The following AFG2A variants were observed in gnomAD, a reference collection of about 807,000 sequenced individuals.
AFG2A encodes ATPase family gene 2 protein homolog A.
the AFG2A span, among the ~76,000 whole-genome samples, chr4:123,069,591 G>A: frequency 6.6e-6 from 1 of 152,114 alleles, no homozygotes; most frequent in East Asian, 1.9e-4. Flanking sequence ...CCTATTTCCT[G>A]AGCCAAGCAT....
the AFG2A span, among the ~76,000 whole-genome samples, chr4:123,236,627 T>C: frequency 6.6e-6 from 1 of 152,206 alleles, no homozygotes; most frequent in Non-Finnish European, 1.5e-5. Context: ...ATGAGAAAGC[T>C]AAGGCTTAAG....
At chr4:123,154,417 A>G in the AFG2A span, among the ~76,000 whole-genome samples, 2 of 152,190 alleles carry the variant, frequency 1.3e-5, no homozygotes, top group African/African-American at 2.4e-5. Flanking sequence ...AGACAGGTCA[A>G]CAGTTTAAAG....
the AFG2A span, among the ~76,000 whole-genome samples, chr4:123,242,641 A>G: frequency 2.0e-5 from 3 of 152,358 alleles, no homozygotes; most frequent in Middle Eastern, 6.8e-3. Context: ...AAAACCATAA[A>G]AACCCTAGAA....
At chr4:123,014,188 A>G in the AFG2A span, among the ~76,000 whole-genome samples, 4 of 152,146 alleles carry the variant, frequency 2.6e-5, no homozygotes, top group African/African-American at 4.8e-5. Context: ...CTGCTATGCC[A>G]TGGTAAGAAT....
At chr4:123,139,188 A>G in the AFG2A span, among the ~76,000 whole-genome samples, 1 of 152,244 alleles carries the variant, frequency 6.6e-6, no homozygotes, top group East Asian at 1.9e-4. Flanking sequence ...GAGTGAAAAT[A>G]CTTTAAAAGC....
At chr4:123,004,359 G>C in the AFG2A span, among the ~76,000 whole-genome samples, 1 of 152,206 alleles carries the variant, frequency 6.6e-6, no homozygotes, top group East Asian at 1.9e-4. Flanking sequence ...AGATGAACCC[G>C]GTACCTCAGA....
the AFG2A span, among the ~76,000 whole-genome samples, chr4:122,942,678 T>G: frequency 6.6e-6 from 1 of 152,168 alleles, no homozygotes; most frequent in Admixed American, 6.5e-5. Context: ...TTCTGCTAGC[T>G]TTTGAATGTG....
the AFG2A span, among the ~76,000 whole-genome samples, chr4:123,290,042 G>T: frequency 6.6e-6 from 1 of 151,896 alleles, no homozygotes; most frequent in South Asian, 2.1e-4. Flanking sequence ...TTTTTAATGG[G>T]GTTATTTTGT....
the AFG2A span, chr4:123,314,086 G>T: frequency 1.4e-6 from 2 of 1,477,388 alleles, no homozygotes; most frequent in Non-Finnish European, 9.0e-7. Flanking sequence ...TATTCAAGAT[G>T]CTGAAAATCC....
the AFG2A span, among the ~76,000 whole-genome samples, chr4:123,128,247 G>A: frequency 6.6e-6 from 1 of 152,178 alleles, no homozygotes; most frequent in South Asian, 2.1e-4. Context: ...AACTTTTCAT[G>A]CGTTTAAGTT....
the AFG2A span, among the ~76,000 whole-genome samples, chr4:123,297,898 G>A: frequency 6.6e-6 from 1 of 152,058 alleles, no homozygotes; most frequent in African/African-American, 2.4e-5. Context: ...AGGAAGCAGT[G>A]TATAAGCACC....
chr4:123,168,740 T>C, the AFG2A span, among the ~76,000 whole-genome samples: 1 of 152,250 alleles, frequency 6.6e-6, no homozygotes, highest in Non-Finnish European at 1.5e-5. Context: ...AGCCAAAGAT[T>C]ATTTTGTTGT....
chr4:122,956,179 A>G, the AFG2A span, among the ~76,000 whole-genome samples: 1 of 152,242 alleles, frequency 6.6e-6, no homozygotes, highest in South Asian at 2.1e-4. Flanking sequence ...CTACTCATAA[A>G]AATGTAAAAA....
chr4:123,133,483 C>CGT, the AFG2A span, among the ~76,000 whole-genome samples: 5 of 71,380 alleles, frequency 7.0e-5, no homozygotes, highest in South Asian at 5.6e-4. Context: ...CTATCATAGG[C>CGT]GTGTGCGTGT....
chr4:123,103,712 A>G, the AFG2A span, among the ~76,000 whole-genome samples: 3 of 152,164 alleles, frequency 2.0e-5, no homozygotes, highest in African/African-American at 7.2e-5. Context: ...TGTAATGTTT[A>G]TAGCAACTTT....
At chr4:122,998,742 T>C in the AFG2A span, among the ~76,000 whole-genome samples, 10 of 152,338 alleles carry the variant, frequency 6.6e-5, no homozygotes, top group East Asian at 5.8e-4. Flanking sequence ...TCCAAGTCTT[T>C]GCTATTGTGA....
the AFG2A span, among the ~76,000 whole-genome samples, chr4:123,261,144 A>G: frequency 4.6e-5 from 7 of 152,204 alleles, no homozygotes; most frequent in Non-Finnish European, 1.0e-4. Flanking sequence ...GGTCCCAAAA[A>G]TGTTGGGGAC....
chr4:123,005,707 T>C, the AFG2A span, among the ~76,000 whole-genome samples: 65,410 of 152,134 alleles, frequency 0.43, 17,037 homozygotes, highest in Non-Finnish European at 0.57. Flanking sequence ...TTTAGTTCAG[T>C]ATATTTTAGA....
At chr4:123,018,024 AT>A in the AFG2A span, among the ~76,000 whole-genome samples, 31 of 151,164 alleles carry the variant, frequency 2.1e-4, 1 homozygote, top group South Asian at 3.8e-3. Flanking sequence ...CCATAAAAGT[AT>A]TTTTTTTTCT....
Sources: allele counts gnomAD v4.1 joint callset (sites outside exome capture counted in the v4.1 genomes callset), GRCh38; gene constraint gnomAD v4.1.1; transcripts MANE v1.5; gene names NCBI Gene and HGNC (gene_info 2026-07-23, HGNC 2026-07-21).